DKK2: variants seen among roughly 807,000 people sequenced by gnomAD.
DKK2 encodes the protein dickkopf-related protein 2.
DKK2 carries 11 observed loss-of-function variants against 28.1 expected under a neutral mutation model. That is an observed-to-expected ratio of 0.39 (90% CI 0.25 to 0.65). The LOEUF (loss-of-function observed/expected upper bound fraction) is 0.65. Among genes scored for constraint, DKK2 ranks in the 30% least tolerant of loss-of-function variants. The probability of loss-of-function intolerance (pLI) is 0.47; values close to 1 mark genes in which losing one functional copy is unlikely to be tolerated. For synonymous variants in DKK2, 135 were observed against 126.5 expected (o/e 1.07, Z -0.45); for missense variants, 326 against 335.5 (o/e 0.97, Z 0.22).
intron 1 of DKK2, among the ~76,000 whole-genome samples, chr4:106,975,119 T>C (rs1722923284): frequency 6.6e-6 from 1 of 152,198 alleles, no homozygotes; most frequent in Non-Finnish European, 1.5e-5. Flanking sequence ...ATAAGCTTTT[T>C]GATGTGCTGC....
intron 1 of DKK2, among the ~76,000 whole-genome samples, chr4:106,935,409 G>T (rs1724566593): frequency 6.6e-6 from 1 of 152,234 alleles, no homozygotes; most frequent in Non-Finnish European, 1.5e-5. Context: ...TTTTCCAATG[G>T]GCTTAAAAAA....
chr4:107,034,618 G>T (rs920552310), intron 1 of DKK2, among the ~76,000 whole-genome samples: 1 of 152,166 alleles, frequency 6.6e-6, no homozygotes, highest in Non-Finnish European at 1.5e-5. Context: ...TGGCGCCTAC[G>T]ACGCTGTCAT....
intron 1 of DKK2, among the ~76,000 whole-genome samples, chr4:106,934,026 A>T (rs547253247): frequency 1.1e-4 from 16 of 150,730 alleles, no homozygotes; most frequent in Non-Finnish European, 1.5e-4. Context: ...ATATACACAC[A>T]CTATATATAT....
chr4:106,923,828 T>C lies in DKK2; in HGVS notation c.*126A>G, dbSNP rs760390137. 4.4e-5 allele frequency: 57 copies of C among 1,310,194 alleles called. No individual in the cohort carries two copies. The highest frequency in any genetic ancestry group is 5.7e-5 in the Non-Finnish European group (54 of 951,448). The allele number at this position is 1,310,194 out of a possible 1,614,324, so 81.2% of individuals were successfully genotyped here. On this transcript the variant is annotated 3_prime_UTR_variant, in exon 4 of 4. Transcript: ENST00000285311. ...TTTTCTTTCTCCCTTTTTGTGATCA[T>C]CTATATTCTTATCACGTTTCTTATT...
intron 1 of DKK2, among the ~76,000 whole-genome samples, chr4:106,963,343 A>G (rs1345717897): frequency 6.6e-6 from 1 of 150,416 alleles, no homozygotes; most frequent in Non-Finnish European, 1.5e-5. Context: ...ACACAGTTAG[A>G]CTCTGTCTAA....
chr4:106,930,645 T>G (rs1724489290), intron 1 of DKK2, among the ~76,000 whole-genome samples: 1 of 152,166 alleles, frequency 6.6e-6, no homozygotes. Flanking sequence ...CCGTCCTCGT[T>G]TTTTTGTTGT....
chr4:107,031,719 G>T (rs1723877448), intron 1 of DKK2, among the ~76,000 whole-genome samples: 1 of 151,934 alleles, frequency 6.6e-6, no homozygotes, highest in Non-Finnish European at 1.5e-5. Context: ...AAATTCATCT[G>T]CCCGTCTCAG....
intron 1 of DKK2, among the ~76,000 whole-genome samples, chr4:107,002,948 A>G (rs1402782646): frequency 2.0e-5 from 3 of 152,214 alleles, no homozygotes; most frequent in Non-Finnish European, 4.4e-5. Flanking sequence ...TCCTTAATAT[A>G]GCATTAGGTA....
chr4:106,959,809 G>A (rs926927507), intron 1 of DKK2, among the ~76,000 whole-genome samples: 6 of 151,758 alleles, frequency 4.0e-5, no homozygotes, highest in African/African-American at 1.2e-4. Flanking sequence ...CTCCCTTGGG[G>A]TGTATAAATA....
At position 106,962,491 on chromosome 4, in the gene DKK2, ATGTGTGTGTGTGTGTGTGTGTG is replaced by A. The variant is rs59831895; in HGVS notation, c.223-36564_223-36543del. The stretch of plus-strand genomic sequence containing the variant: ...TTCAAGAAATGGAGCCAGAAAAACT[ATGTGTGTGTGTGTGTGTGTGTG>A]TGTGTGTGTGTGTGTGTGTGTGTGT... On this transcript the variant is annotated intron_variant, in intron 1 of 3. Transcript: ENST00000285311. 2.9e-3 allele frequency among the ~76,000 whole-genome samples: 338 copies of A among 117,702 alleles called. 5 individuals are homozygous for A. The highest frequency in any genetic ancestry group is 0.011 in the Admixed American group (115 of 10,862). The allele number at this position is 117,702 out of a possible 152,430, so 77.2% of individuals were successfully genotyped here. A position where few individuals can be genotyped will look rare whatever the true frequency, so the allele number is the denominator to read the frequency against.
At chr4:106,987,210 T>C (rs1723132110) in intron 1 of DKK2, among the ~76,000 whole-genome samples, 1 of 152,222 alleles carries the variant, frequency 6.6e-6, no homozygotes, top group Non-Finnish European at 1.5e-5. Context: ...AGTGGCTGTG[T>C]ATAAAATATG....
chr4:106,933,996 A>G (rs1314376433), intron 1 of DKK2, among the ~76,000 whole-genome samples: 1 of 151,034 alleles, frequency 6.6e-6, no homozygotes. Context: ...GTATGTGTAT[A>G]TATGTATGTA....
intron 1 of DKK2, among the ~76,000 whole-genome samples, chr4:106,996,458 G>C (rs917882160): frequency 6.6e-6 from 1 of 152,084 alleles, no homozygotes; most frequent in African/African-American, 2.4e-5. Flanking sequence ...TTTGAGCCTC[G>C]AGTTCTGACA....
chr4:106,995,764 C>T (rs1723263356), intron 1 of DKK2, among the ~76,000 whole-genome samples: 1 of 152,150 alleles, frequency 6.6e-6, no homozygotes, highest in African/African-American at 2.4e-5. Context: ...AAGCGTGTCC[C>T]ACCATGCCAG....
chr4:107,033,435 C>A (rs1723907141), intron 1 of DKK2, among the ~76,000 whole-genome samples: 1 of 152,080 alleles, frequency 6.6e-6, no homozygotes, highest in African/African-American at 2.4e-5. Flanking sequence ...ATATTTTATA[C>A]CGATTTATAT....
intron 1 of DKK2, among the ~76,000 whole-genome samples, chr4:106,992,593 G>C (rs1200070593): frequency 6.6e-6 from 1 of 152,152 alleles, no homozygotes; most frequent in East Asian, 1.9e-4. Context: ...AAATTTCTTT[G>C]CTGCAAAACT....
intron 1 of DKK2, among the ~76,000 whole-genome samples, chr4:106,933,414 T>C (rs1724530483): frequency 6.6e-6 from 1 of 152,198 alleles, no homozygotes; most frequent in African/African-American, 2.4e-5. Context: ...TTAGCCACTG[T>C]GCTTGGTGGT....
chr4:106,925,745 G>A, intron 2 of DKK2, 54 bp downstream of exon 2: 2 of 1,559,366 alleles, frequency 1.3e-6, no homozygotes, highest in Admixed American at 3.9e-5. Flanking sequence ...TTGAGAGACA[G>A]GCTTATGATG....
At chr4:106,975,655 AGTCT>A (rs1324605468) in intron 1 of DKK2, among the ~76,000 whole-genome samples, 8 of 151,752 alleles carry the variant, frequency 5.3e-5, no homozygotes, top group Non-Finnish European at 1.0e-4. Context: ...TCTGGCTAGC[AGTCT>A]GTCTATTTTG....
Sources: gnomAD v4.1 joint callset for allele counts (sites outside exome capture counted in the v4.1 genomes callset) on GRCh38, gnomAD v4.1.1 for gene constraint, MANE v1.5 for transcripts, NCBI Gene and HGNC (gene_info 2026-07-23, HGNC 2026-07-21) for gene names.